Variants in HEATR5A observed in about 807,000 individuals in gnomAD.
HEATR5A encodes HEAT repeat-containing protein 5A.
Under a neutral mutation model 218.8 loss-of-function variants are expected in HEATR5A, and 178 were observed. That is an observed-to-expected ratio of 0.81 (90% CI 0.72 to 0.92). The LOEUF (loss-of-function observed/expected upper bound fraction) is 0.92, where lower values mean the gene tolerates loss of function less well. Ranked by LOEUF, HEATR5A falls within the 40% of genes least tolerant of loss-of-function variation. HEATR5A has a pLI of 0.00. For synonymous variants in HEATR5A, 864 were observed against 871.6 expected (o/e 0.99, Z 0.15); for missense variants, 2,420 against 2,418.9 (o/e 1.00, Z -0.01).
intron 21 of HEATR5A, among the ~76,000 whole-genome samples, chr14:31,343,018 C>A (rs949228904): frequency 1.6e-4 from 24 of 152,012 alleles, no homozygotes; most frequent in African/African-American, 5.5e-4. Context: ...AGCCATGGTG[C>A]CAATTTATAA....
Position 31,364,406 on chromosome 14 carries a change from C to T in HEATR5A, c.1962-108G>A, listed in dbSNP as rs540321125. 1.2e-5 allele frequency: 7 copies of T among 585,712 alleles called. No homozygotes were observed. The South Asian group carries it at 1.8e-4, about 15-fold the overall frequency. 36.3% of individuals were successfully genotyped at this position (585,712 alleles called of 1,614,324 possible). A position where few individuals can be genotyped will look rare whatever the true frequency, so the allele number is the denominator to read the frequency against. ...ATAAATTAGCTATGTATTTTATTAA[C>T]AAACATTAGTGCTGCTTTACTTTTA... On this transcript the variant is annotated intron_variant, in intron 13 of 35. Transcript: ENST00000543095.
chr14:31,318,564 C>T (rs1389853098), intron 25 of HEATR5A, among the ~76,000 whole-genome samples: 1 of 152,174 alleles, frequency 6.6e-6, no homozygotes, highest in Admixed American at 6.5e-5. Context: ...AATCTCGGCT[C>T]ACTACAGCCT....
intron 34 of HEATR5A, 84 bp downstream of exon 34, chr14:31,295,825 G>A: frequency 9.3e-7 from 1 of 1,077,556 alleles, no homozygotes. Context: ...ACTTCCTATT[G>A]GAGCCAACAA....
intron 21 of HEATR5A, chr14:31,340,330 T>G: frequency 2.1e-6 from 1 of 487,030 alleles, no homozygotes; most frequent in Admixed American, 3.0e-5. Flanking sequence ...GGACTTAGCA[T>G]TAATGGTTCG....
Position 31,345,215 on chromosome 14 carries a change from T to A in HEATR5A, c.2930A>T (p.His977Leu). The change falls in exon 20 of 36, where the codon CAT (histidine) becomes CTT (leucine). Residue 977 changes from histidine (H) to leucine (L), a missense_variant. Coordinates refer to ENST00000543095, the MANE Select transcript of HEATR5A (RefSeq NM_015473.4). ...IDSAGPLYYVHVEPTLSLIIM... is the reference protein window; with the variant it reads ...IDSAGPLYYVLVEPTLSLIIM... ...AATAAGAGAAAGGGTAGGTTCCACA[T>A]GCACATAATAGAGTGGGCCAGCAGA... 6.2e-7 allele frequency: 1 copy of A among 1,613,414 alleles called. No homozygotes were observed. The highest frequency in any genetic ancestry group is 8.5e-7 in the Non-Finnish European group (1 of 1,179,382).
intron 16 of HEATR5A, among the ~76,000 whole-genome samples, chr14:31,353,474 G>A (rs946225612): frequency 1.3e-5 from 2 of 151,972 alleles, no homozygotes; most frequent in African/African-American, 4.8e-5. Context: ...GGTGGCTCAC[G>A]CCTGTAATTC....
intron 13 of HEATR5A, among the ~76,000 whole-genome samples, chr14:31,366,743 AACAT>A (rs1901818410): frequency 1.3e-5 from 2 of 152,220 alleles, no homozygotes; most frequent in South Asian, 4.1e-4. Context: ...AAAGCAAGCA[AACAT>A]ACATTTAAAA....
At chr14:31,314,082 G>C (rs2139152462) in intron 27 of HEATR5A, among the ~76,000 whole-genome samples, 1 of 152,046 alleles carries the variant, frequency 6.6e-6, no homozygotes, top group East Asian at 1.9e-4. Context: ...CAAGTAGCTG[G>C]GATTACAGGT....
intron 16 of HEATR5A, among the ~76,000 whole-genome samples, chr14:31,356,777 A>G (rs1039089151): frequency 3.3e-5 from 5 of 152,200 alleles, no homozygotes; most frequent in African/African-American, 9.6e-5. Flanking sequence ...GCAATTGGGC[A>G]ATAAATCCGA....
intron 11 of HEATR5A, among the ~76,000 whole-genome samples, chr14:31,378,787 CA>C (rs201308428): frequency 0.069 from 1,801 of 26,078 alleles, 86 homozygotes; most frequent in African/African-American, 0.18. Context: ...GACTCCACCT[CA>C]AAAAAAAACA....
chr14:31,349,878 T>A lies in HEATR5A; in HGVS notation c.2619A>T (p.Arg873Ser). The change falls in exon 18 of 36, where the codon AGA becomes AGT. Residue 873 changes from arginine (R) to serine (S), a missense_variant. By Grantham distance (110) the Arg-to-Ser change is moderately radical (BLOSUM62 -1). Coordinates refer to ENST00000543095, the MANE Select transcript of HEATR5A (RefSeq NM_015473.4). ...GALESPNPLL[R>S]CAAAESWARL... ...TAGCCCATGACTCTGCAGCTGCACA[T>A]CTCAGCAAGGGGTTGGGGCTTTCTA... is the stretch of plus-strand genomic sequence containing the variant. The A allele has an allele frequency of 6.2e-7, 1 of 1,612,580 alleles. No homozygotes were observed. Among genetic ancestry groups the A allele is most frequent in the African/African-American group, 1.3e-5 (1 of 75,040 alleles).
chr14:31,385,152 G>T (rs925549337), intron 9 of HEATR5A, among the ~76,000 whole-genome samples: 3 of 151,854 alleles, frequency 2.0e-5, no homozygotes, highest in Non-Finnish European at 4.4e-5. Context: ...TTGAAACAGG[G>T]TCTCACTCTG....
chr14:31,323,926 G>A, intron 23 of HEATR5A, 122 bp from the exon 24 acceptor site: 2 of 623,430 alleles, frequency 3.2e-6, no homozygotes, highest in Non-Finnish European at 5.5e-6. Flanking sequence ...AATTGCTACT[G>A]ATCAATCATC....
chr14:31,386,286 GATT>G (rs1349445958), intron 9 of HEATR5A, 131 bp downstream of exon 9: 18 of 658,880 alleles, frequency 2.7e-5, no homozygotes, highest in South Asian at 1.6e-4. Flanking sequence ...TAATAATCCT[GATT>G]ATAAATTTTT....
chr14:31,367,567 T>TG (rs1901849182), intron 13 of HEATR5A, among the ~76,000 whole-genome samples: 1 of 107,382 alleles, frequency 9.3e-6, no homozygotes, highest in Non-Finnish European at 1.9e-5. Context: ...TATGCCCAGC[T>TG]AATTTTTTTT....
In HEATR5A at chr14:31,394,177, AGGTCC is replaced by A; in HGVS notation, c.642_646del (p.Asp215GlyfsTer9). 6.5e-7 allele frequency: 1 copy of A among 1,527,348 alleles called. No individual in the cohort carries two copies. The highest frequency in any genetic ancestry group is 2.0e-5 in the Admixed American group (1 of 49,608). The allele number at this position is 1,527,348 out of a possible 1,614,324, so 94.6% of individuals were successfully genotyped here. ...AAAACACAGTGTGGCCACACTGTCCAGGTCCGTACTCCACATAAAGATGGCTTCAT... is the reference window on the plus strand; with the variant it reads ...AAAACACAGTGTGGCCACACTGTCCAGTACTCCACATAAAGATGGCTTCAT... On this transcript the variant is annotated frameshift_variant, in exon 6 of 36. Coordinates refer to ENST00000543095, the MANE Select transcript of HEATR5A (RefSeq NM_015473.4). LOFTEE classifies it high-confidence loss of function.
chr14:31,369,938 A>G (rs1901970768), intron 13 of HEATR5A, among the ~76,000 whole-genome samples: 1 of 150,288 alleles, frequency 6.7e-6, no homozygotes, highest in Non-Finnish European at 1.5e-5. Flanking sequence ...TATCTCAAAA[A>G]AAAAAAAAGG....
At chr14:31,308,514 A>AT (rs1383687034) in intron 29 of HEATR5A, among the ~76,000 whole-genome samples, 1 of 151,600 alleles carries the variant, frequency 6.6e-6, no homozygotes, top group African/African-American at 2.4e-5. Flanking sequence ...TCTAAAAAAA[A>AT]AAAAAAAAAA....
At chr14:31,405,270 C>T (rs1023469172) in intron 1 of HEATR5A, among the ~76,000 whole-genome samples, 3 of 152,026 alleles carry the variant, frequency 2.0e-5, no homozygotes, top group Admixed American at 6.6e-5. Context: ...CCCATCTCTA[C>T]GAAAAATACA....
Sources: gnomAD v4.1 joint callset for allele counts (sites outside exome capture counted in the v4.1 genomes callset) on GRCh38, gnomAD v4.1.1 for gene constraint, MANE v1.5 for transcripts, NCBI Gene and HGNC (gene_info 2026-07-23, HGNC 2026-07-21) for gene names.